The following SPATA16 variants were observed in gnomAD, a reference collection of about 807,000 sequenced individuals.
SPATA16 encodes spermatogenesis associated 16.
Under a neutral mutation model 63.3 loss-of-function variants are expected in SPATA16, and 36 were observed. The ratio of observed to expected loss-of-function variants is 0.57; its 90% CI spans 0.44 to 0.75. SPATA16 has a LOEUF of 0.75. Among genes scored for constraint, SPATA16 ranks in the 30% least tolerant of loss-of-function variants. SPATA16 has a pLI of 0.00. For synonymous variants in SPATA16, 203 were observed against 216.7 expected, an observed-to-expected ratio of 0.94 and a Z score of 0.56; for missense variants, 646 against 679.3, an observed-to-expected ratio of 0.95 and a Z score of 0.54.
intron 8 of SPATA16, among the ~76,000 whole-genome samples, chr3:172,922,901 G>A (rs1732644833): frequency 6.6e-6 from 1 of 152,100 alleles, no homozygotes; most frequent in Non-Finnish European, 1.5e-5. Context: ...CAACCCGGGT[G>A]ACAGGGTGAG....
At chr3:172,902,622 G>T (rs1345842384) in intron 10 of SPATA16, among the ~76,000 whole-genome samples, 1 of 152,126 alleles carries the variant, frequency 6.6e-6, no homozygotes, top group Non-Finnish European at 1.5e-5. Context: ...CTTGTAATAA[G>T]AGATAGGTCT....
chr3:172,972,329 A>C (rs547303335), intron 5 of SPATA16, among the ~76,000 whole-genome samples: 3 of 152,266 alleles, frequency 2.0e-5, no homozygotes, highest in Non-Finnish European at 4.4e-5. Flanking sequence ...CAACAATCTC[A>C]AAAGAGGTCT....
chr3:173,077,701 T>G (rs1198577317), intron 2 of SPATA16, among the ~76,000 whole-genome samples: 1 of 152,218 alleles, frequency 6.6e-6, no homozygotes, highest in Admixed American at 6.5e-5. Context: ...TCTCACCAAC[T>G]AATACCCTTA....
intron 2 of SPATA16, among the ~76,000 whole-genome samples, chr3:173,068,277 C>G (rs1391721537): frequency 6.6e-6 from 1 of 152,148 alleles, no homozygotes; most frequent in African/African-American, 2.4e-5. Context: ...AAAATAATAA[C>G]TACAACTACT....
intron 2 of SPATA16, among the ~76,000 whole-genome samples, chr3:173,089,053 G>A (rs1737156847): frequency 1.3e-5 from 2 of 152,124 alleles, no homozygotes; most frequent in Non-Finnish European, 2.9e-5. Context: ...TGGCTGGGAT[G>A]GTATTTTATA....
chr3:172,924,406 CAATATT>C, intron 7 of SPATA16, 89 bp from the exon 8 acceptor site: 1 of 984,352 alleles, frequency 1.0e-6, no homozygotes. Flanking sequence ...ACGAATATCT[CAATATT>C]AATAGATACA....
intron 3 of SPATA16, among the ~76,000 whole-genome samples, chr3:173,035,288 G>A (rs1735692069): frequency 6.6e-6 from 1 of 152,080 alleles, no homozygotes; most frequent in Admixed American, 6.6e-5. Context: ...GTTTAGGAAG[G>A]GGATTTGCAA....
intron 1 of SPATA16, among the ~76,000 whole-genome samples, chr3:173,127,325 G>A (rs923080049): frequency 1.3e-5 from 2 of 152,064 alleles, no homozygotes; most frequent in African/African-American, 2.4e-5. Flanking sequence ...AGGATATTTC[G>A]TTACTGTAGC....
chr3:172,994,857 T>TAATC (rs1734661147), intron 4 of SPATA16, among the ~76,000 whole-genome samples: 1 of 152,180 alleles, frequency 6.6e-6, no homozygotes, highest in South Asian at 2.1e-4. Flanking sequence ...TTTAATTAAT[T>TAATC]AATCCCTTAT....
intron 6 of SPATA16, among the ~76,000 whole-genome samples, chr3:172,931,331 T>A (rs1253879484): frequency 6.6e-6 from 1 of 152,170 alleles, no homozygotes; most frequent in African/African-American, 2.4e-5. Context: ...ACCTTGAACT[T>A]CAGGGCTCAG....
At chr3:173,084,311 G>C (rs1024471828) in intron 2 of SPATA16, among the ~76,000 whole-genome samples, 1 of 152,146 alleles carries the variant, frequency 6.6e-6, no homozygotes, top group Non-Finnish European at 1.5e-5. Flanking sequence ...CCTCATAAAT[G>C]TCTTCTTTTG....
intron 2 of SPATA16, among the ~76,000 whole-genome samples, chr3:173,107,097 CATT>C (rs1310373356): frequency 6.6e-6 from 1 of 152,026 alleles, no homozygotes; most frequent in African/African-American, 2.4e-5. Context: ...ATTGTCTTAC[CATT>C]ATAAGACTTC....
intron 6 of SPATA16, among the ~76,000 whole-genome samples, chr3:172,945,672 C>G (rs1170601971): frequency 6.6e-6 from 1 of 152,120 alleles, no homozygotes. Context: ...CCAGTCAGCA[C>G]CCATGGAGGG....
chr3:172,924,703 A>G (rs1342963353), intron 7 of SPATA16, among the ~76,000 whole-genome samples: 1 of 152,202 alleles, frequency 6.6e-6, no homozygotes, highest in African/African-American at 2.4e-5. Flanking sequence ...TTGACTTTGA[A>G]TGTAGCTCAA....
chr3:172,927,917 C>CT lies in SPATA16; in HGVS notation c.1082-2426dup, dbSNP rs531763924. 7.5e-4 allele frequency among the ~76,000 whole-genome samples: 113 copies of CT among 150,002 alleles called. 1 individual carries two copies. The highest frequency in any genetic ancestry group is 1.3e-3 in the Non-Finnish European group (90 of 67,342). ...TAGATGCTTCTTCTTCTTTTTTTTT[C>CT]TTTTTTTTTGAGATGGAGTCTTGCT... On this transcript the variant is annotated intron_variant, in intron 6 of 10. Coordinates refer to ENST00000351008, the MANE Select transcript of SPATA16 (RefSeq NM_031955.6).
chr3:172,972,997 A>G (rs1442804659), intron 5 of SPATA16, among the ~76,000 whole-genome samples: 1 of 152,224 alleles, frequency 6.6e-6, no homozygotes, highest in Non-Finnish European at 1.5e-5. Context: ...ATGCTGACCC[A>G]TCTGAGATAT....
chr3:173,125,374 T>C (rs1297182771), intron 1 of SPATA16, among the ~76,000 whole-genome samples: 1 of 152,182 alleles, frequency 6.6e-6, no homozygotes, highest in Non-Finnish European at 1.5e-5. Flanking sequence ...TCCTTCTAAA[T>C]GAAAATCAGA....
chr3:172,896,779 A>C (rs1001354092), intron 10 of SPATA16, among the ~76,000 whole-genome samples: 1 of 152,024 alleles, frequency 6.6e-6, no homozygotes, highest in Non-Finnish European at 1.5e-5. Flanking sequence ...GTCATTTTCA[A>C]ATTGGATCGG....
chr3:172,910,024 C>T (rs149097095), intron 10 of SPATA16, among the ~76,000 whole-genome samples: 5 of 149,070 alleles, frequency 3.4e-5, no homozygotes, highest in African/African-American at 1.2e-4. Context: ...TTTGTAAATA[C>T]AAATATTTAC....
Sources: allele counts gnomAD v4.1 joint callset (sites outside exome capture counted in the v4.1 genomes callset), GRCh38; gene constraint gnomAD v4.1.1; transcripts MANE v1.5; gene names NCBI Gene and HGNC (gene_info 2026-07-23, HGNC 2026-07-21).